RAB38: variants seen among roughly 807,000 people sequenced by gnomAD.
RAB38 encodes ras-related protein Rab-38.
RAB38 carries 15 observed loss-of-function variants against 18.4 expected under a neutral mutation model. The observed-to-expected ratio is 0.82, with a 90% CI of 0.55 to 1.26. The LOEUF (loss-of-function observed/expected upper bound fraction) is 1.26, where lower values mean the gene tolerates loss of function less well. Among genes scored for constraint, RAB38 ranks in the 50% most tolerant of loss-of-function variants. The pLI is 0.00. For missense variants in RAB38, 294 were observed against 267.4 expected, an observed-to-expected ratio of 1.10 and a Z score of -0.69; for synonymous variants, 101 against 104.4, an observed-to-expected ratio of 0.97 and a Z score of 0.20.
the RAB38 span, among the ~76,000 whole-genome samples, chr11:88,012,815 T>G: frequency 6.6e-6 from 1 of 152,180 alleles, no homozygotes; most frequent in Non-Finnish European, 1.5e-5. Flanking sequence ...AAGCCGAATC[T>G]GATAATAGTA....
At chr11:88,110,072 T>C (rs976205509), downstream of RAB38, among the ~76,000 whole-genome samples, 9 of 152,220 alleles carry the variant, frequency 5.9e-5, no homozygotes, top group Non-Finnish European at 1.2e-4. Flanking sequence ...TCCACACGTA[T>C]GTTTATTGCA....
the RAB38 span, among the ~76,000 whole-genome samples, chr11:88,077,089 G>T: frequency 6.6e-6 from 1 of 150,838 alleles, no homozygotes; most frequent in Non-Finnish European, 1.5e-5. Context: ...TTTAACCTAA[G>T]AAACAAAAGA....
the RAB38 span, among the ~76,000 whole-genome samples, chr11:87,923,785 G>T: frequency 6.6e-6 from 1 of 151,724 alleles, no homozygotes; most frequent in Non-Finnish European, 1.5e-5. Context: ...ACAGATGCTG[G>T]CTCATTTAAT....
At chr11:87,947,485 T>A in the RAB38 span, among the ~76,000 whole-genome samples, 4 of 152,206 alleles carry the variant, frequency 2.6e-5, no homozygotes, top group Non-Finnish European at 1.5e-5. Flanking sequence ...CTGAATGGTA[T>A]TGCCTAGGGT....
chr11:88,014,825 C>A, the RAB38 span, among the ~76,000 whole-genome samples: 1 of 152,096 alleles, frequency 6.6e-6, no homozygotes, highest in Non-Finnish European at 1.5e-5. Flanking sequence ...ACAAGAGGTA[C>A]AACCCTCAGG....
the RAB38 span, among the ~76,000 whole-genome samples, chr11:87,841,828 C>CT: frequency 6.6e-6 from 1 of 152,176 alleles, no homozygotes; most frequent in East Asian, 1.9e-4. Flanking sequence ...ATCTGGGCAA[C>CT]ATGGGGTGTA....
the RAB38 span, among the ~76,000 whole-genome samples, chr11:88,054,751 C>T: frequency 2.6e-5 from 4 of 152,186 alleles, no homozygotes; most frequent in African/African-American, 7.2e-5. Flanking sequence ...AAGATATATA[C>T]GGTTTTCACA....
the RAB38 span, among the ~76,000 whole-genome samples, chr11:88,106,727 T>C: frequency 1.3e-5 from 2 of 152,300 alleles, no homozygotes; most frequent in East Asian, 3.9e-4. Context: ...TAAAGGCATT[T>C]TACCCTTGTC....
the RAB38 span, among the ~76,000 whole-genome samples, chr11:87,938,402 C>T: frequency 2.6e-5 from 4 of 151,994 alleles, no homozygotes; most frequent in South Asian, 2.1e-4. Flanking sequence ...GTGGGATGAA[C>T]GTCTTAGCTT....
the RAB38 span, among the ~76,000 whole-genome samples, chr11:87,942,225 T>C: frequency 6.6e-6 from 1 of 152,196 alleles, no homozygotes; most frequent in African/African-American, 2.4e-5. Context: ...TCTTGTTAAA[T>C]TCCAGATTTT....
At chr11:87,873,470 T>C in the RAB38 span, among the ~76,000 whole-genome samples, 2 of 151,586 alleles carry the variant, frequency 1.3e-5, no homozygotes, top group Admixed American at 6.6e-5. Flanking sequence ...GTTCAACTTA[T>C]CAATTATTTC....
chr11:87,873,922 G>GTGTATATATATATATATATATATATATA, the RAB38 span, among the ~76,000 whole-genome samples: 1 of 103,114 alleles, frequency 9.7e-6, no homozygotes, highest in African/African-American at 3.8e-5. Context: ...GTGTGTGTGT[G>GTGTATATATATATATATATATATATATA]TATATATATA....
At chr11:88,142,904 C>A (rs1942934394) in intron 2 of RAB38, among the ~76,000 whole-genome samples, 1 of 152,206 alleles carries the variant, frequency 6.6e-6, no homozygotes, top group Non-Finnish European at 1.5e-5. Flanking sequence ...TGTCACATTT[C>A]TTGGAAGACG....
At chr11:88,160,670 A>T (rs1399411010) in intron 1 of RAB38, among the ~76,000 whole-genome samples, 1 of 152,134 alleles carries the variant, frequency 6.6e-6, no homozygotes, top group East Asian at 1.9e-4. Context: ...ATAAAATCAT[A>T]TCCTTTGCAG....
chr11:87,897,895 A>G, the RAB38 span, among the ~76,000 whole-genome samples: 1 of 151,620 alleles, frequency 6.6e-6, no homozygotes, highest in Non-Finnish European at 1.5e-5. Flanking sequence ...GAAGGAGCAG[A>G]TGGGCTTAAG....
the RAB38 span, among the ~76,000 whole-genome samples, chr11:88,018,783 T>C: frequency 2.0e-5 from 3 of 152,198 alleles, no homozygotes; most frequent in Non-Finnish European, 4.4e-5. Flanking sequence ...AAATGCTAAA[T>C]AGTTGTTACA....
chr11:88,034,032 G>A, the RAB38 span, among the ~76,000 whole-genome samples: 2 of 152,226 alleles, frequency 1.3e-5, no homozygotes, highest in East Asian at 3.9e-4. Context: ...CTGCAGTTGT[G>A]TTGCACTTTT....
chr11:88,074,172 G>T, the RAB38 span, among the ~76,000 whole-genome samples: 1 of 152,024 alleles, frequency 6.6e-6, no homozygotes, highest in Non-Finnish European at 1.5e-5. Flanking sequence ...ATTGGTAAAA[G>T]GAAGTGCTAA....
At chr11:87,950,500 G>T in the RAB38 span, among the ~76,000 whole-genome samples, 4 of 152,090 alleles carry the variant, frequency 2.6e-5, no homozygotes, top group Admixed American at 2.6e-4. Flanking sequence ...TTACAATTTG[G>T]CATGTTTTTG....
Sources: gnomAD v4.1 joint callset for allele counts (sites outside exome capture counted in the v4.1 genomes callset) on GRCh38, gnomAD v4.1.1 for gene constraint, MANE v1.5 for transcripts, NCBI Gene and HGNC (gene_info 2026-07-23, HGNC 2026-07-21) for gene names.